CACNB2: variants seen among roughly 807,000 people sequenced by gnomAD.
The protein encoded by CACNB2 is calcium voltage-gated channel auxiliary subunit beta 2.
A neutral mutation model predicts 73.3 loss-of-function variants in CACNB2; 42 were observed. The observed-to-expected ratio is 0.57, with a 90% CI of 0.45 to 0.74. CACNB2 has a LOEUF of 0.74. Ranked by LOEUF, CACNB2 falls within the 30% of genes least tolerant of loss-of-function variation. The pLI, the probability that CACNB2 is intolerant of heterozygous loss-of-function variation, is 0.00. For missense variants in CACNB2, 940 were observed against 853.0 expected, an observed-to-expected ratio of 1.10 and a Z score of -1.27; for synonymous variants, 348 against 310.3, an observed-to-expected ratio of 1.12 and a Z score of -1.28.
intron 2 of CACNB2, among the ~76,000 whole-genome samples, chr10:18,181,000 A>G (rs747922644): frequency 2.6e-5 from 4 of 151,492 alleles, no homozygotes; most frequent in Non-Finnish European, 4.4e-5. Context: ...AAAAAGAAAT[A>G]TAAGAAAATG....
At chr10:18,226,755 AC>A (rs1446519904) in intron 2 of CACNB2, among the ~76,000 whole-genome samples, 4 of 152,190 alleles carry the variant, frequency 2.6e-5, no homozygotes, top group Non-Finnish European at 5.9e-5. Context: ...TTACCCAGAA[AC>A]CACAGGAAAG....
chr10:18,452,915 G>C (rs923328576), intron 3 of CACNB2, among the ~76,000 whole-genome samples: 1 of 152,138 alleles, frequency 6.6e-6, no homozygotes, highest in Non-Finnish European at 1.5e-5. Flanking sequence ...TAGCAGACCT[G>C]GTTGAAGAGG....
chr10:18,340,810 C>T (rs1471814243), intron 2 of CACNB2: 3 of 1,604,504 alleles, frequency 1.9e-6, no homozygotes, highest in East Asian at 2.2e-5. Flanking sequence ...AAAAGGAAAG[C>T]AGTTGCTATG....
At chr10:18,460,385 A>G (rs771121680) in intron 3 of CACNB2, among the ~76,000 whole-genome samples, 1 of 152,196 alleles carries the variant, frequency 6.6e-6, no homozygotes. Context: ...TCTCAAATTC[A>G]TCACTTACAA....
intron 2 of CACNB2, among the ~76,000 whole-genome samples, chr10:18,258,310 A>G (rs979544653): frequency 3.3e-5 from 5 of 152,230 alleles, no homozygotes; most frequent in African/African-American, 1.2e-4. Context: ...CAAATTCAGA[A>G]TCATAGAGGG....
chr10:18,330,797 T>C (rs2132012533), intron 2 of CACNB2, among the ~76,000 whole-genome samples: 1 of 151,676 alleles, frequency 6.6e-6, no homozygotes, highest in East Asian at 1.9e-4. Context: ...GCCTCCTAAG[T>C]AGCTGAGATT....
At chr10:18,466,133 GA>G (rs2047870869) in intron 3 of CACNB2, among the ~76,000 whole-genome samples, 1 of 152,170 alleles carries the variant, frequency 6.6e-6, no homozygotes, top group Non-Finnish European at 1.5e-5. Flanking sequence ...TACGGTGCAC[GA>G]AGCCAAGAAT....
At chr10:18,419,266 T>A (rs1471320881) in intron 3 of CACNB2, among the ~76,000 whole-genome samples, 1 of 152,318 alleles carries the variant, frequency 6.6e-6, no homozygotes, top group Admixed American at 6.5e-5. Flanking sequence ...ATATGCAAAA[T>A]GGAGTATAGA....
chr10:18,524,378 G>A (rs1024208148), intron 9 of CACNB2, among the ~76,000 whole-genome samples: 1 of 152,112 alleles, frequency 6.6e-6, no homozygotes, highest in African/African-American at 2.4e-5. Flanking sequence ...TCCTGAGGCT[G>A]AGCACAGTGG....
At chr10:18,450,183 T>G (rs542375732) in intron 3 of CACNB2, among the ~76,000 whole-genome samples, 1 of 152,316 alleles carries the variant, frequency 6.6e-6, no homozygotes, top group East Asian at 1.9e-4. Context: ...GTAAAATGCC[T>G]GTGTGTTGTA....
intron 3 of CACNB2, among the ~76,000 whole-genome samples, chr10:18,432,521 AT>A (rs1381385574): frequency 6.6e-6 from 1 of 152,094 alleles, no homozygotes; most frequent in Non-Finnish European, 1.5e-5. Context: ...AAAAACAAAA[AT>A]ATAAAAATAC....
intron 2 of CACNB2, among the ~76,000 whole-genome samples, chr10:18,353,097 A>C (rs2041776010): frequency 6.6e-6 from 1 of 152,208 alleles, no homozygotes; most frequent in Non-Finnish European, 1.5e-5. Context: ...ATGTTTTAAA[A>C]TTAGAATTGG....
intron 2 of CACNB2, among the ~76,000 whole-genome samples, chr10:18,385,513 G>A (rs984471394): frequency 6.6e-6 from 1 of 151,574 alleles, no homozygotes; most frequent in South Asian, 2.1e-4. Context: ...TCTAATCCCA[G>A]CTACTAGGGA....
At chr10:18,191,019 A>G (rs2482103) in intron 2 of CACNB2, among the ~76,000 whole-genome samples, 131,041 of 152,280 alleles carry the variant, frequency 0.86, 56,736 homozygotes, top group East Asian at 0.94. Flanking sequence ...CAAGCTGTGA[A>G]TAGGCTGCCT....
At chr10:18,429,950 C>T (rs1352062350) in intron 3 of CACNB2, among the ~76,000 whole-genome samples, 1 of 151,938 alleles carries the variant, frequency 6.6e-6, no homozygotes, top group Non-Finnish European at 1.5e-5. Flanking sequence ...CTGCACTCTA[C>T]TGTGGGTGAC....
At chr10:18,519,824 T>A in intron 9 of CACNB2, 1 of 446,214 alleles carries the variant, frequency 2.2e-6, no homozygotes. Flanking sequence ...CATGTCAAGA[T>A]CACCCATGAC....
At chr10:18,247,264 T>C (rs776237053) in intron 2 of CACNB2, among the ~76,000 whole-genome samples, 20 of 152,206 alleles carry the variant, frequency 1.3e-4, no homozygotes, top group Admixed American at 2.0e-4. Context: ...CCAGTAAAGC[T>C]GTGTGTGCTT....
intron 2 of CACNB2, among the ~76,000 whole-genome samples, chr10:18,251,041 G>C (rs2037067368): frequency 6.6e-6 from 1 of 151,940 alleles, no homozygotes; most frequent in Non-Finnish European, 1.5e-5. Context: ...GTGTTGAGTA[G>C]TCTTAAGGTC....
chr10:18,194,333 G>A (rs2034534873), intron 2 of CACNB2, among the ~76,000 whole-genome samples: 1 of 152,198 alleles, frequency 6.6e-6, no homozygotes, highest in Non-Finnish European at 1.5e-5. Context: ...GCTGAAGGAA[G>A]CCAGGTGGGA....
Sources: gnomAD v4.1 joint callset for allele counts (sites outside exome capture counted in the v4.1 genomes callset) on GRCh38, gnomAD v4.1.1 for gene constraint, MANE v1.5 for transcripts, NCBI Gene and HGNC (gene_info 2026-07-23, HGNC 2026-07-21) for gene names.